MAPK10: variants seen among roughly 807,000 people sequenced by gnomAD.
MAPK10 encodes the protein JNK3 alpha protein kinase.
MAPK10 carries 25 observed loss-of-function variants against 59.3 expected under a neutral mutation model. The observed-to-expected ratio is 0.42, with a 90% CI of 0.31 to 0.59. The LOEUF (loss-of-function observed/expected upper bound fraction) is 0.59. Among genes scored for constraint, MAPK10 ranks in the 20% least tolerant of loss-of-function variants. The pLI is 0.15. For missense variants in MAPK10, 351 were observed against 568.9 expected (o/e 0.62, Z 3.90); for synonymous variants, 190 against 200.5 (o/e 0.95, Z 0.44).
At chr4:86,568,881 T>C (rs886634940) in intron 1 of MAPK10, among the ~76,000 whole-genome samples, 3 of 152,058 alleles carry the variant, frequency 2.0e-5, no homozygotes, top group African/African-American at 7.2e-5. Context: ...GACATTGGTC[T>C]GGGCTAAGAA....
intron 2 of MAPK10, among the ~76,000 whole-genome samples, chr4:86,331,043 TGG>T (rs1363771868): frequency 6.6e-6 from 1 of 151,784 alleles, no homozygotes; most frequent in African/African-American, 2.4e-5. Flanking sequence ...AAAATACCAG[TGG>T]GAAAACATAA....
At chr4:86,265,490 C>G (rs1380736708) in intron 2 of MAPK10, among the ~76,000 whole-genome samples, 1 of 146,492 alleles carries the variant, frequency 6.8e-6, no homozygotes, top group Non-Finnish European at 1.5e-5. Context: ...GCTGGGGTGA[C>G]AGAGCAAGTC....
chr4:86,292,139 T>C (rs2148823173), intron 2 of MAPK10, among the ~76,000 whole-genome samples: 1 of 152,332 alleles, frequency 6.6e-6, no homozygotes, highest in African/African-American at 2.4e-5. Flanking sequence ...ATTTGTCTAA[T>C]TATTAGAGTA....
At position 86,507,666 on chromosome 4, in the gene MAPK10, A is replaced by G. The variant is rs1451820373; in HGVS notation, c.-263+86244T>C. 4.4e-5 allele frequency among the ~76,000 whole-genome samples: 5 copies of G among 112,600 alleles called. No homozygotes were observed. The Admixed American group carries it at 4.7e-4, about 11-fold the overall frequency. 73.9% of individuals were successfully genotyped at this position (112,600 alleles called of 152,430 possible). The stretch of plus-strand genomic sequence containing the variant: ...TATATATATATATATATATATATAT[A>G]TATATAAAATCATGTGTAAATTCCC... On this transcript the variant is annotated intron_variant, in intron 1 of 4. Coordinates refer to the MAPK10 transcript ENST00000502302.
At chr4:86,399,027 T>C (rs967228226) in intron 1 of MAPK10, among the ~76,000 whole-genome samples, 9 of 152,198 alleles carry the variant, frequency 5.9e-5, no homozygotes, top group African/African-American at 2.2e-4. Context: ...CCTGGGTTGA[T>C]TCTGTCTTTG....
At chr4:86,305,210 T>C (rs1057152523) in intron 2 of MAPK10, among the ~76,000 whole-genome samples, 4 of 152,206 alleles carry the variant, frequency 2.6e-5, no homozygotes, top group Admixed American at 6.5e-5. Flanking sequence ...TTATTTATAA[T>C]AATGTGATAT....
At chr4:86,476,731 T>C (rs560561248) in intron 1 of MAPK10, among the ~76,000 whole-genome samples, 2 of 152,268 alleles carry the variant, frequency 1.3e-5, no homozygotes, top group African/African-American at 4.8e-5. Context: ...AGCAATGTAT[T>C]TCTGAGTTGC....
chr4:86,580,100 C>A (rs1044369442), intron 1 of MAPK10, among the ~76,000 whole-genome samples: 1 of 152,040 alleles, frequency 6.6e-6, no homozygotes, highest in Non-Finnish European at 1.5e-5. Context: ...AGACACCGTC[C>A]GTGGCCTGTT....
chr4:86,250,096 T>C (rs6817452), intron 2 of MAPK10, among the ~76,000 whole-genome samples: 49,934 of 152,078 alleles, frequency 0.33, 11,146 homozygotes, highest in African/African-American at 0.64. Context: ...TAAAAGAGGA[T>C]GATGGACTAA....
chr4:86,175,450 G>A (rs1031807692), intron 3 of MAPK10, among the ~76,000 whole-genome samples: 2 of 152,118 alleles, frequency 1.3e-5, no homozygotes, highest in African/African-American at 4.8e-5. Flanking sequence ...AGTGTTGGAG[G>A]TGGGGCCTGG....
At chr4:86,543,048 G>A (rs546745925) in intron 1 of MAPK10, among the ~76,000 whole-genome samples, 38 of 152,156 alleles carry the variant, frequency 2.5e-4, no homozygotes, top group Non-Finnish European at 5.3e-4. Context: ...CGTATAGAGG[G>A]AACCAGTGAA....
intron 11 of MAPK10, among the ~76,000 whole-genome samples, chr4:86,054,325 A>T (rs923657877): frequency 3.9e-5 from 6 of 152,192 alleles, no homozygotes; most frequent in African/African-American, 1.4e-4. Context: ...AACTCTATCT[A>T]CAACAAACAT....
chr4:86,100,929 A>G (rs1465480753), intron 8 of MAPK10, 123 bp downstream of exon 8: 3 of 762,982 alleles, frequency 3.9e-6, no homozygotes, highest in Non-Finnish European at 6.2e-6. Context: ...AACCCTGAAT[A>G]TGCTATCTGG....
intron 2 of MAPK10, among the ~76,000 whole-genome samples, chr4:86,337,154 T>C (rs1721984335): frequency 6.6e-6 from 1 of 152,164 alleles, no homozygotes; most frequent in South Asian, 2.1e-4. Flanking sequence ...TAGCACATAG[T>C]AGATACTCAA....
intron 2 of MAPK10, among the ~76,000 whole-genome samples, chr4:86,314,667 G>T (rs952554433): frequency 6.6e-6 from 1 of 152,072 alleles, no homozygotes; most frequent in African/African-American, 2.4e-5. Flanking sequence ...TAAGATACAT[G>T]ACCTTACTGC....
intron 1 of MAPK10, among the ~76,000 whole-genome samples, chr4:86,540,477 G>A (rs1224898037): frequency 6.6e-6 from 1 of 152,094 alleles, no homozygotes; most frequent in Non-Finnish European, 1.5e-5. Flanking sequence ...TCCAGCCTAG[G>A]CAACAGAGTG....
intron 11 of MAPK10, among the ~76,000 whole-genome samples, chr4:86,033,334 A>T (rs1240714354): frequency 6.6e-6 from 1 of 152,218 alleles, no homozygotes; most frequent in East Asian, 1.9e-4. Context: ...CCCCTGCAGG[A>T]CACAGTGTAC....
chr4:86,346,905 C>T (rs1158523779), intron 2 of MAPK10, among the ~76,000 whole-genome samples: 1 of 151,660 alleles, frequency 6.6e-6, no homozygotes, highest in Admixed American at 6.6e-5. Context: ...TGTGTGTGCA[C>T]ACACACATAT....
chr4:86,589,033 G>C (rs1325389167), intron 1 of MAPK10, among the ~76,000 whole-genome samples: 1 of 152,038 alleles, frequency 6.6e-6, no homozygotes, highest in Non-Finnish European at 1.5e-5. Flanking sequence ...TAAAGATGTG[G>C]GGACAAAGGG....
Sources: gnomAD v4.1 joint callset for allele counts (sites outside exome capture counted in the v4.1 genomes callset) on GRCh38, gnomAD v4.1.1 for gene constraint, MANE v1.5 for transcripts, NCBI Gene and HGNC (gene_info 2026-07-23, HGNC 2026-07-21) for gene names.